The following ZNF280C variants were observed in gnomAD, a reference collection of about 807,000 sequenced individuals.
ZNF280C encodes the protein suppressor of hairy wing homolog 3.
In ZNF280C, 14 loss-of-function variants were observed where a neutral mutation model predicts 53.6. That is an observed-to-expected ratio of 0.26 (90% CI 0.17 to 0.41). The LOEUF (loss-of-function observed/expected upper bound fraction) is 0.41. ZNF280C is among the 10% of genes least tolerant of loss of function. The pLI is 1.00. For missense variants in ZNF280C, 416 were observed against 547.1 expected (o/e 0.76, Z 2.39); for synonymous variants, 203 against 181.1 (o/e 1.12, Z -0.97).
chrX:130,238,243 T>C (rs1368528613), intron 6 of ZNF280C, among the ~76,000 whole-genome samples: 1 of 111,568 alleles, frequency 9.0e-6, no homozygotes, highest in African/African-American at 3.2e-5. Context: ...TCAAATCCTT[T>C]AAAATTGATA....
intron 1 of ZNF280C, among the ~76,000 whole-genome samples, chrX:130,263,286 A>C (rs1158535502): frequency 8.9e-6 from 1 of 112,790 alleles, no homozygotes; most frequent in African/African-American, 3.2e-5. Flanking sequence ...CACAATAGCC[A>C]AAAAGTGGAA....
At chrX:130,250,988 T>C (rs924223895) in intron 2 of ZNF280C, among the ~76,000 whole-genome samples, 41 of 109,854 alleles carry the variant, frequency 3.7e-4, no homozygotes, top group African/African-American at 1.4e-3. Context: ...TTCCAGCTAC[T>C]TGGGAGTCAG....
rs1569437136 is a variant in ZNF280C at position 130,239,709 on chromosome X, A to C, written c.382-16T>G. On this transcript the variant is annotated splice_polypyrimidine_tract_variant and intron_variant, in intron 5 of 18. Transcript: ENST00000370978. The stretch of plus-strand genomic sequence containing the variant: ...TTGTAAAATCCTGTAAAAATTTATA[A>C]TTATTTTGTTTCATAAACTTTTATA... 3 of 1,011,494 alleles carry C rather than the reference A, an allele frequency of 3.0e-6. No individual in the cohort carries two copies. The South Asian group carries it at 6.1e-5, about 20-fold the overall frequency. 83.4% of individuals were successfully genotyped at this position (1,011,494 alleles called of 1,213,427 possible).
At chrX:130,256,710 C>T (rs909686860) in intron 2 of ZNF280C, among the ~76,000 whole-genome samples, 2 of 109,765 alleles carry the variant, frequency 1.8e-5, no homozygotes, top group African/African-American at 3.3e-5. Context: ...GTGGTCCATA[C>T]GGCAAAATCC....
intron 8 of ZNF280C, among the ~76,000 whole-genome samples, chrX:130,233,583 T>C (rs1252102495): frequency 5.9e-5 from 6 of 101,748 alleles, no homozygotes; most frequent in African/African-American, 1.9e-4. Flanking sequence ...GATTACACCA[T>C]TGCACTCTAG....
intron 10 of ZNF280C, among the ~76,000 whole-genome samples, 190 bp downstream of exon 10, chrX:130,228,787 T>C (rs1299649792): frequency 9.2e-6 from 1 of 109,201 alleles, no homozygotes; most frequent in Non-Finnish European, 1.9e-5. Context: ...TGTATAGGCA[T>C]GCACCATCAC....
chrX:130,230,598 T>G lies in ZNF280C; in HGVS notation c.901A>C (p.Arg301=). Residue 301 remains arginine (R), a synonymous_variant, in exon 9 of 19, where the codon AGG becomes CGG. Coordinates refer to ENST00000370978, the MANE Select transcript of ZNF280C (RefSeq NM_017666.5). ...TCTTTCTCAGTGACTCCTTCATGCC[T>G]TCCATAATAAAACTCATTGACTAAC... ...IMLVNEFYYG[R]HEGVTEKEPK... 1 of 1,209,870 alleles carries G rather than the reference T, an allele frequency of 8.3e-7. No individual in the cohort carries two copies. Among genetic ancestry groups the G allele is most frequent in the Non-Finnish European group, 1.1e-6 (1 of 893,844 alleles).
chrX:130,228,979 G>GAA lies in ZNF280C; in HGVS notation c.1143_1144dup (p.Ser382PhefsTer22). On this transcript the variant is annotated frameshift_variant, in exon 10 of 19. Coordinates refer to ENST00000370978, the MANE Select transcript of ZNF280C (RefSeq NM_017666.5). LOFTEE classifies it high-confidence loss of function. ...ATTCCAAAGAAACTTTCACTTACTA[G>GAA]AAAACTCATGGGGAGTGTGTGTACT... The GAA allele has an allele frequency of 8.6e-7, 1 of 1,159,735 alleles. No individual in the cohort carries two copies. Among genetic ancestry groups the GAA allele is most frequent in the Non-Finnish European group, 1.2e-6 (1 of 865,668 alleles).
At chrX:130,254,994 C>T (rs1302331947) in intron 2 of ZNF280C, among the ~76,000 whole-genome samples, 5 of 99,339 alleles carry the variant, frequency 5.0e-5, no homozygotes, top group African/African-American at 1.5e-4. Flanking sequence ...GATAAGACAA[C>T]GATATTATAT....
chrX:130,228,141 G>C (rs2032238863), intron 10 of ZNF280C, among the ~76,000 whole-genome samples: 3 of 112,147 alleles, frequency 2.7e-5, no homozygotes. Context: ...GTTAACTTTT[G>C]TCTAAAGTGT....
intron 11 of ZNF280C, 69 bp from the exon 12 acceptor site, chrX:130,226,974 CA>C (rs2032227300): frequency 3.0e-6 from 3 of 1,016,035 alleles, no homozygotes; most frequent in African/African-American, 3.8e-5. Flanking sequence ...ATCAAAGTAG[CA>C]ATAACGGGTC....
At chrX:130,222,751 G>A (rs2032181880) in intron 12 of ZNF280C, among the ~76,000 whole-genome samples, 1 of 111,402 alleles carries the variant, frequency 9.0e-6, no homozygotes, top group Admixed American at 9.5e-5. Context: ...TGCAACCTCC[G>A]TCTCCTGGGT....
At chrX:130,212,117 C>G (rs2032047174) in intron 15 of ZNF280C, among the ~76,000 whole-genome samples, 1 of 111,296 alleles carries the variant, frequency 9.0e-6, no homozygotes, top group Admixed American at 9.6e-5. Context: ...AGTGGCAGAT[C>G]AAGAGAACTC....
At chrX:130,237,384 T>C (rs946299197) in intron 6 of ZNF280C, among the ~76,000 whole-genome samples, 1 of 111,648 alleles carries the variant, frequency 9.0e-6, no homozygotes, top group African/African-American at 3.2e-5. Flanking sequence ...TGCTTTTATG[T>C]TTTATTAATT....
At chrX:130,266,597 C>T (rs988523996) in intron 1 of ZNF280C, among the ~76,000 whole-genome samples, 6 of 109,956 alleles carry the variant, frequency 5.5e-5, no homozygotes, top group African/African-American at 2.0e-4. Context: ...CCCATAAATA[C>T]GCACAATTAT....
chrX:130,237,785 C>T (rs1033425734), intron 6 of ZNF280C, among the ~76,000 whole-genome samples: 1 of 111,256 alleles, frequency 9.0e-6, no homozygotes, highest in Admixed American at 9.6e-5. Context: ...TAATTACTGC[C>T]AGCTATATTG....
intron 2 of ZNF280C, among the ~76,000 whole-genome samples, chrX:130,256,193 C>T (rs955135754): frequency 1.8e-5 from 2 of 110,909 alleles, no homozygotes; most frequent in Admixed American, 9.6e-5. Flanking sequence ...CCTCTCATTC[C>T]CCCTTTCTTA....
intron 2 of ZNF280C, among the ~76,000 whole-genome samples, chrX:130,256,806 G>A (rs1478353678): frequency 1.9e-5 from 2 of 107,720 alleles, no homozygotes; most frequent in Non-Finnish European, 3.8e-5. Flanking sequence ...GGCTGAGGCA[G>A]GAGAATTGCT....
chrX:130,209,705 T>G lies in ZNF280C; in HGVS notation c.1990A>C (p.Asn664His). Residue 664 changes from asparagine (N) to histidine (H), a missense_variant, in exon 16 of 19, where the codon AAC becomes CAC. Physicochemically the swap from Asn to His is moderately conservative, Grantham distance 68 (BLOSUM62 1). Transcript: ENST00000370978. ...FVNHMMSSHS[N>H]HPGKRFCIFK... ...ATACAAAACCGTTTACCTGGATGGT[T>G]GCTATGAGAGCTGGAGAAACACGAG... The G allele has an allele frequency of 2.5e-6, 3 of 1,205,622 alleles. No homozygotes were observed. The highest frequency in any genetic ancestry group is 2.2e-6 in the Non-Finnish European group (2 of 891,362).
Sources: gnomAD v4.1 joint callset for allele counts (sites outside exome capture counted in the v4.1 genomes callset) on GRCh38, gnomAD v4.1.1 for gene constraint, MANE v1.5 for transcripts, NCBI Gene and HGNC (gene_info 2026-07-23, HGNC 2026-07-21) for gene names.